ASXL2: variants seen among roughly 807,000 people sequenced by gnomAD.
ASXL2 encodes putative Polycomb group protein ASXL2.
ASXL2 carries 23 observed loss-of-function variants against 122.0 expected under a neutral mutation model. The observed-to-expected ratio is 0.19, with a 90% CI of 0.14 to 0.27. ASXL2 has a LOEUF of 0.27. Among genes scored for constraint, ASXL2 ranks in the 10% least tolerant of loss-of-function variants. The pLI is 1.00. For synonymous variants in ASXL2, 650 were observed against 637.0 expected, an observed-to-expected ratio of 1.02 and a Z score of -0.31; for missense variants, 1,518 against 1,713.8, an observed-to-expected ratio of 0.89 and a Z score of 2.02.
chr2:25,767,353 C>T (rs994115603), intron 8 of ASXL2, among the ~76,000 whole-genome samples: 1 of 152,110 alleles, frequency 6.6e-6, no homozygotes, highest in African/African-American at 2.4e-5. Flanking sequence ...GTCAAGAGCT[C>T]AAAGGTAAAC....
chr2:25,794,854 T>C (rs2088889534), intron 5 of ASXL2, among the ~76,000 whole-genome samples: 1 of 152,204 alleles, frequency 6.6e-6, no homozygotes, highest in African/African-American at 2.4e-5. Context: ...TAGCTTGCTT[T>C]ACCTTTATTG....
intron 3 of ASXL2, among the ~76,000 whole-genome samples, chr2:25,823,325 A>G (rs538700410): frequency 6.6e-6 from 1 of 152,350 alleles, no homozygotes; most frequent in East Asian, 1.9e-4. Context: ...TTACGGAAAG[A>G]GAACTAAATT....
intron 5 of ASXL2, among the ~76,000 whole-genome samples, chr2:25,779,438 T>A (rs1448025503): frequency 6.6e-6 from 1 of 152,046 alleles, no homozygotes; most frequent in Admixed American, 6.6e-5. Flanking sequence ...GCCTAACATT[T>A]CTGGTTCCTA....
rs1259438199 is a variant in ASXL2, at chr2:25,739,573, A to G, written c.*2456T>C. ...GTTTTAGGAGTATTCCTAAATGCAAATATTTAGCTGAGTATTATTTGTTAA... is the reference window on the plus strand; with the variant it reads ...GTTTTAGGAGTATTCCTAAATGCAAGTATTTAGCTGAGTATTATTTGTTAA... On this transcript the variant is annotated 3_prime_UTR_variant, in exon 13 of 13. Transcript: ENST00000435504. 2 of 193,782 alleles carry G rather than the reference A, an allele frequency of 1.0e-5. No individual in the cohort carries two copies. Among genetic ancestry groups the G allele is most frequent in the Admixed American group, 6.1e-5 (1 of 16,360 alleles). The allele number at this position is 193,782 out of a possible 1,614,324, so 12.0% of individuals were successfully genotyped here.
At chr2:25,818,306 C>G (rs1374396384) in intron 3 of ASXL2, among the ~76,000 whole-genome samples, 1 of 152,154 alleles carries the variant, frequency 6.6e-6, no homozygotes, top group East Asian at 1.9e-4. Flanking sequence ...GTCAGGAGAT[C>G]GAGATCAGCC....
Position 25,743,197 on chromosome 2 carries a change from G to C in ASXL2, c.3140C>G (p.Ser1047Cys), listed in dbSNP as rs2149136627. ...GTGGTATTGGTGTGTGTCAATGCTG[G>C]AGTCCCTCAGCTCCTTAGCTGAAAA... is the stretch of plus-strand genomic sequence containing the variant. ...QLFSAKELRD[S>C]SIDTHQYHEG... The change falls in exon 13 of 13, where the codon TCC becomes TGC. Residue 1047 changes from serine (S) to cysteine (C), a missense_variant. This residue lies in a region of ASXL2 where 831 missense variants were observed against 833.1 expected (regional missense o/e 1.00). Transcript: ENST00000435504. 1.2e-6 allele frequency: 2 copies of C among 1,613,934 alleles called. No homozygotes were observed. The highest frequency in any genetic ancestry group is 1.1e-5 in the South Asian group (1 of 91,084).
rs559711047 is a variant in ASXL2 at position 25,767,658 on chromosome 2, A to G, written c.700T>C (p.Ser234Pro). The G allele has an allele frequency of 3.7e-6, 6 of 1,613,856 alleles. No individual in the cohort carries two copies. Among genetic ancestry groups the G allele is most frequent in the Non-Finnish European group, 4.2e-6 (5 of 1,179,870 alleles). The change falls in exon 8 of 13, where the codon TCC becomes CCC. Residue 234 changes from serine (S) to proline (P), a missense_variant. Ser to Pro is a moderately conservative substitution (Grantham distance 74). Transcript: ENST00000435504. ...SPQNSNSSFS[S>P]SVKVENTLLG... ...AAAGTATTTTCCACTTTAACTGAGG[A>G]AGAAAAGCTGGAGTTTGAGTTTTGA... is the stretch of plus-strand genomic sequence containing the variant.
At chr2:25,874,667 G>A (rs1048003032) in intron 1 of ASXL2, among the ~76,000 whole-genome samples, 1 of 152,166 alleles carries the variant, frequency 6.6e-6, no homozygotes, top group Non-Finnish European at 1.5e-5. Context: ...TAAAGTCAAT[G>A]TAATGGCTCT....
At chr2:25,804,471 G>C (rs773089947) in intron 4 of ASXL2, among the ~76,000 whole-genome samples, 2 of 152,230 alleles carry the variant, frequency 1.3e-5, no homozygotes, top group Non-Finnish European at 2.9e-5. Flanking sequence ...TCCTGCTTTA[G>C]TTCTTATCTC....
At chr2:25,773,266 T>G (rs1430564212) in intron 5 of ASXL2, among the ~76,000 whole-genome samples, 3 of 151,842 alleles carry the variant, frequency 2.0e-5, no homozygotes, top group Non-Finnish European at 4.4e-5. Flanking sequence ...TATCCCAACC[T>G]TTATGAAAAA....
chr2:25,774,134 A>T (rs2088507180), intron 5 of ASXL2, among the ~76,000 whole-genome samples: 2 of 152,008 alleles, frequency 1.3e-5, no homozygotes, highest in Admixed American at 1.3e-4. Flanking sequence ...GAGGGTGAGG[A>T]TAAAAAAACT....
intron 1 of ASXL2, among the ~76,000 whole-genome samples, chr2:25,849,409 C>T (rs77585501): frequency 0.057 from 8,178 of 143,392 alleles, 257 homozygotes; most frequent in Middle Eastern, 0.098. Flanking sequence ...GACGAGACAG[C>T]GCCACGGTAC....
chr2:25,749,231 C>T (rs1262853266), intron 12 of ASXL2, among the ~76,000 whole-genome samples: 1 of 152,204 alleles, frequency 6.6e-6, no homozygotes. Context: ...AAGCCCAAGA[C>T]TCTTCCACCC....
At chr2:25,770,140 G>A (rs1010775370) in intron 6 of ASXL2, among the ~76,000 whole-genome samples, 1 of 152,168 alleles carries the variant, frequency 6.6e-6, no homozygotes, top group Non-Finnish European at 1.5e-5. Context: ...TCAGGTTAAC[G>A]TAAAATTTAT....
In ASXL2 at chr2:25,759,560, G is replaced by T; in HGVS notation, c.861C>A (p.Ile287=). ...ILVNTNLRAL[I]NKHTFSVLPG... is the part of the protein sequence containing the mutation. ...GAAGGACTGAAAATGTGTGCTTGTTGATCAGTGCTCGCAGATTTGTATTAA... is the reference window on the plus strand; with the variant it reads ...GAAGGACTGAAAATGTGTGCTTGTTTATCAGTGCTCGCAGATTTGTATTAA... The change falls in exon 9 of 13, where the codon ATC becomes ATA. Residue 287 remains isoleucine, a synonymous_variant. Coordinates refer to ENST00000435504, the MANE Select transcript of ASXL2 (RefSeq NM_018263.6). 1 of 1,613,960 alleles carries T rather than the reference G, an allele frequency of 6.2e-7. No individual in the cohort carries two copies. Among genetic ancestry groups the T allele is most frequent in the Non-Finnish European group, 8.5e-7 (1 of 1,179,874 alleles).
intron 3 of ASXL2, among the ~76,000 whole-genome samples, chr2:25,810,997 C>T (rs1026664959): frequency 1.3e-5 from 2 of 150,326 alleles, no homozygotes; most frequent in African/African-American, 4.9e-5. Context: ...GAGGCTGAGG[C>T]GGGTGGATCT....
chr2:25,768,909 G>GT, intron 6 of ASXL2, 41 bp from the exon 7 acceptor site: 1 of 1,585,130 alleles, frequency 6.3e-7, no homozygotes, highest in Non-Finnish European at 8.6e-7. Context: ...AAACCAATCA[G>GT]TTTTTTAGTA....
chr2:25,857,482 G>A (rs982945479), intron 1 of ASXL2, among the ~76,000 whole-genome samples: 8 of 152,116 alleles, frequency 5.3e-5, no homozygotes, highest in African/African-American at 1.4e-4. Context: ...TGCATTCGTG[G>A]AATAAACTTC....
At chr2:25,759,673 G>C in intron 8 of ASXL2, 28 bp from the exon 9 acceptor site, 1 of 1,592,684 alleles carries the variant, frequency 6.3e-7, no homozygotes, top group Non-Finnish European at 8.6e-7. Context: ...AATCGTTTGG[G>C]CCTCCCTCAC....
Sources: gnomAD v4.1 joint callset for allele counts (sites outside exome capture counted in the v4.1 genomes callset) on GRCh38, gnomAD v4.1.1 for gene constraint, gnomAD v4.1.1 regional missense constraint, MANE v1.5 for transcripts, NCBI Gene and HGNC (gene_info 2026-07-23, HGNC 2026-07-21) for gene names.